The following CAB39 variants were observed in gnomAD, a reference collection of about 807,000 sequenced individuals.
CAB39 encodes calcium-binding protein 39.
Under a neutral mutation model 40.0 loss-of-function variants are expected in CAB39, and 8 were observed. The ratio of observed to expected loss-of-function variants is 0.20; its 90% CI spans 0.12 to 0.36. CAB39 has a LOEUF of 0.36. Ranked by LOEUF, CAB39 falls within the 10% of genes least tolerant of loss-of-function variation. The pLI is 1.00. For synonymous variants in CAB39, 156 were observed against 141.6 expected (o/e 1.10, Z -0.72); for missense variants, 270 against 401.1 (o/e 0.67, Z 2.79).
At position 230,727,521 on chromosome 2, in the gene CAB39, C is replaced by T. The variant is rs1004914962; in HGVS notation, c.-44+14291C>T. On this transcript the variant is annotated intron_variant, in intron 1 of 8. Transcript: ENST00000258418. The stretch of plus-strand genomic sequence containing the variant: ...CCTCAACCTTCTGGGCTTGAGTGAT[C>T]CTCCCTCCTCAGCTTCCTGAGTGGC... 8.0e-5 allele frequency among the ~76,000 whole-genome samples: 12 copies of T among 150,330 alleles called. No individual in the cohort carries two copies. In the South Asian group the frequency reaches 2.3e-3, roughly 29 times the overall value.
intron 2 of CAB39, among the ~76,000 whole-genome samples, chr2:230,766,819 G>T (rs1695393933): frequency 1.3e-5 from 2 of 152,228 alleles, no homozygotes; most frequent in South Asian, 2.1e-4. Context: ...GAGCTGCCAT[G>T]CCTGGCCTGG....
intron 1 of CAB39, among the ~76,000 whole-genome samples, chr2:230,733,524 G>T (rs1694732696): frequency 6.6e-6 from 1 of 152,078 alleles, no homozygotes; most frequent in South Asian, 2.1e-4. Context: ...TAAAGTATTC[G>T]ACTTTGTTTG....
At chr2:230,725,499 C>T in intron 1 of CAB39, 1 of 1,078,152 alleles carries the variant, frequency 9.3e-7, no homozygotes, top group Non-Finnish European at 1.4e-6. Flanking sequence ...CTTTTAACAG[C>T]CCTTTTTAAT....
At position 230,798,988 on chromosome 2, in the gene CAB39, G is replaced by A. The variant is rs549715729; in HGVS notation, c.567+91G>A. ...CATTGCCCTCCTAAATCTACACGTGGCTGCCCTCTAGTGGGAAGAGAAAGA... is the reference window on the plus strand; with the variant it reads ...CATTGCCCTCCTAAATCTACACGTGACTGCCCTCTAGTGGGAAGAGAAAGA... On this transcript the variant is annotated intron_variant, in intron 5 of 8. Transcript: ENST00000258418. The A allele has an allele frequency of 3.3e-5, 31 of 944,134 alleles. No individual in the cohort carries two copies. In the South Asian group the frequency reaches 5.8e-4, roughly 18 times the overall value. 58.5% of individuals were successfully genotyped at this position (944,134 alleles called of 1,614,324 possible).
rs777154196 is a variant in CAB39 at position 230,818,835 on chromosome 2, C to G, written c.*131C>G. 6.7e-6 allele frequency: 5 copies of G among 749,106 alleles called. No individual in the cohort carries two copies. The highest frequency in any genetic ancestry group is 1.1e-5 in the Non-Finnish European group (5 of 468,094). The allele number at this position is 749,106 out of a possible 1,614,324, so 46.4% of individuals were successfully genotyped here. ...TTAAGTGAACGGTTTTTCATTTTACCCTTTTGTTTTTCAGTCCAGGTTGGA... is the reference window on the plus strand; with the variant it reads ...TTAAGTGAACGGTTTTTCATTTTACGCTTTTGTTTTTCAGTCCAGGTTGGA... On this transcript the variant is annotated 3_prime_UTR_variant, in exon 9 of 9. Coordinates refer to ENST00000258418, the MANE Select transcript of CAB39 (RefSeq NM_016289.4).
At chr2:230,751,085 T>C (rs955881490) in intron 1 of CAB39, among the ~76,000 whole-genome samples, 8 of 152,270 alleles carry the variant, frequency 5.3e-5, no homozygotes, top group Non-Finnish European at 7.3e-5. Context: ...GCCAGTTATC[T>C]AAAAAGAATG....
chr2:230,745,440 G>T (rs1458829593), intron 1 of CAB39, among the ~76,000 whole-genome samples: 1 of 152,152 alleles, frequency 6.6e-6, no homozygotes, highest in African/African-American at 2.4e-5. Context: ...CCTCAGAGGA[G>T]CTCATGGTCC....
At chr2:230,809,235 G>C (rs1490420353) in intron 5 of CAB39, among the ~76,000 whole-genome samples, 1 of 152,122 alleles carries the variant, frequency 6.6e-6, no homozygotes, top group Non-Finnish European at 1.5e-5. Context: ...TCCCTCGTTT[G>C]CTTGACCATG....
At chr2:230,719,666 C>T (rs1694411319) in intron 1 of CAB39, among the ~76,000 whole-genome samples, 1 of 152,216 alleles carries the variant, frequency 6.6e-6, no homozygotes, top group African/African-American at 2.4e-5. Flanking sequence ...AAGATCTGGG[C>T]TGGGTCCTGA....
chr2:230,762,641 G>T (rs1430972450), intron 2 of CAB39, among the ~76,000 whole-genome samples: 2 of 152,222 alleles, frequency 1.3e-5, no homozygotes, highest in Admixed American at 1.3e-4. Context: ...AAAGGATAAT[G>T]TGTATGTCCC....
intron 1 of CAB39, among the ~76,000 whole-genome samples, chr2:230,736,828 G>A (rs1559592928): frequency 1.3e-5 from 2 of 152,090 alleles, no homozygotes; most frequent in Non-Finnish European, 2.9e-5. Flanking sequence ...CATAGTATTA[G>A]GCCAGAGTGC....
At chr2:230,735,969 T>C (rs149735553) in intron 1 of CAB39, among the ~76,000 whole-genome samples, 259 of 152,350 alleles carry the variant, frequency 1.7e-3, no homozygotes, top group African/African-American at 5.7e-3. Context: ...TAAGCAGTTA[T>C]TGCACACTGC....
intron 2 of CAB39, among the ~76,000 whole-genome samples, chr2:230,768,739 A>G (rs1294113359): frequency 6.6e-6 from 1 of 152,220 alleles, no homozygotes; most frequent in Non-Finnish European, 1.5e-5. Context: ...CACAGTACAA[A>G]TAAAAGTATG....
intron 1 of CAB39, among the ~76,000 whole-genome samples, chr2:230,717,606 G>A (rs1243578536): frequency 1.3e-5 from 2 of 152,214 alleles, no homozygotes; most frequent in Admixed American, 6.5e-5. Flanking sequence ...AAAATGATCA[G>A]TGTTCTGCCT....
At chr2:230,776,036 A>G (rs72995217) in intron 2 of CAB39, among the ~76,000 whole-genome samples, 2 of 151,702 alleles carry the variant, frequency 1.3e-5, no homozygotes, top group Admixed American at 6.6e-5. Context: ...TTGGCAGGCA[A>G]AGTGTGAAAG....
intron 5 of CAB39, among the ~76,000 whole-genome samples, chr2:230,806,370 C>T (rs1372783210): frequency 1.3e-5 from 2 of 152,168 alleles, no homozygotes; most frequent in Non-Finnish European, 2.9e-5. Context: ...TTCCCCAGAG[C>T]TCCATGTGAC....
At chr2:230,736,169 C>A (rs534282964) in intron 1 of CAB39, among the ~76,000 whole-genome samples, 25 of 152,282 alleles carry the variant, frequency 1.6e-4, no homozygotes, top group African/African-American at 5.8e-4. Context: ...ATGTAGTAAT[C>A]TCTTCCCAGA....
intron 2 of CAB39, among the ~76,000 whole-genome samples, chr2:230,782,292 CAAGCTTTTTGTTT>C: frequency 6.6e-6 from 1 of 152,010 alleles, no homozygotes; most frequent in Admixed American, 6.5e-5. Flanking sequence ...ATATATTTTT[CAAGCTTTTTGTTT>C]AATCAGCTTA....
intron 4 of CAB39, among the ~76,000 whole-genome samples, chr2:230,794,998 T>C (rs73995153): frequency 0.055 from 8,391 of 152,260 alleles, 790 homozygotes; most frequent in African/African-American, 0.19. Context: ...ACTTCCAGGC[T>C]GGACATGGTG....
Sources: allele counts gnomAD v4.1 joint callset (sites outside exome capture counted in the v4.1 genomes callset), GRCh38; gene constraint gnomAD v4.1.1; transcripts MANE v1.5; gene names NCBI Gene and HGNC (gene_info 2026-07-23, HGNC 2026-07-21).